The following NXPH1 variants were observed in gnomAD, a reference collection of about 807,000 sequenced individuals.
NXPH1 encodes the protein neurexophilin 1.
In NXPH1, 5 loss-of-function variants were observed where a neutral mutation model predicts 23.7. The observed-to-expected ratio is 0.21, with a 90% CI of 0.11 to 0.44. The LOEUF is 0.44. Ranked by LOEUF, NXPH1 falls within the 20% of genes least tolerant of loss-of-function variation. The probability of loss-of-function intolerance (pLI) is 0.99; values close to 1 mark genes in which losing one functional copy is unlikely to be tolerated. For missense variants in NXPH1, 324 were observed against 321.6 expected (o/e 1.01, Z -0.06); for synonymous variants, 144 against 122.2 (o/e 1.18, Z -1.18).
At chr7:8,539,545 C>G (rs1405715209) in intron 2 of NXPH1, among the ~76,000 whole-genome samples, 1 of 151,742 alleles carries the variant, frequency 6.6e-6, no homozygotes, top group East Asian at 1.9e-4. Context: ...AAATGCTTAT[C>G]AAGACTTTCA....
chr7:8,726,324 T>G (rs1353237420), intron 2 of NXPH1, among the ~76,000 whole-genome samples: 4 of 151,890 alleles, frequency 2.6e-5, no homozygotes, highest in Admixed American at 1.3e-4. Flanking sequence ...CATTTTTTTG[T>G]TTGTTTTTTT....
At chr7:8,673,238 T>C (rs1270895238) in intron 2 of NXPH1, among the ~76,000 whole-genome samples, 3 of 152,152 alleles carry the variant, frequency 2.0e-5, no homozygotes, top group Non-Finnish European at 2.9e-5. Flanking sequence ...GAGCAAAAGT[T>C]ATTTGAGTGA....
chr7:8,473,206 C>G (rs1237020829), intron 2 of NXPH1, among the ~76,000 whole-genome samples: 1 of 152,138 alleles, frequency 6.6e-6, no homozygotes, highest in Admixed American at 6.5e-5. Flanking sequence ...TGGCCATTGT[C>G]AAGTGCCTAG....
chr7:8,710,640 G>GGTTTTTTTTTTTTTTTTTTTTTTTTTT lies in NXPH1; in HGVS notation c.55-40368_55-40367insGTTTTTTTTTTTTTTTTTTTTTTTTTT, dbSNP rs1376868557. On this transcript the variant is annotated intron_variant, in intron 2 of 2. Coordinates refer to ENST00000405863, the MANE Select transcript of NXPH1 (RefSeq NM_152745.3). ...TTGAACAAAGCATGTCAACTGTTAC[G>GGTTTTTTTTTTTTTTTTTTTTTTTTTT]TTTTTTGTTTTTTTTTTTTTTTTTT... Among the ~76,000 whole-genome samples the GGTTTTTTTTTTTTTTTTTTTTTTTTTT allele has an allele frequency of 1.4e-4, 4 of 27,672 alleles. 2 individuals carry two copies. The highest frequency in any genetic ancestry group is 6.4e-4 in the African/African-American group (4 of 6,236). The allele number at this position is 27,672 out of a possible 152,430, so 18.2% of individuals were successfully genotyped here.
intron 2 of NXPH1, among the ~76,000 whole-genome samples, chr7:8,638,216 T>C (rs1298218490): frequency 6.6e-6 from 1 of 152,104 alleles, no homozygotes; most frequent in African/African-American, 2.4e-5. Flanking sequence ...ACATCTACAA[T>C]GGACTAATAA....
At chr7:8,687,546 G>C (rs930237602) in intron 2 of NXPH1, among the ~76,000 whole-genome samples, 1 of 152,016 alleles carries the variant, frequency 6.6e-6, no homozygotes, top group African/African-American at 2.4e-5. Context: ...TTATGTCTCT[G>C]GACATTTTTG....
intron 2 of NXPH1, among the ~76,000 whole-genome samples, chr7:8,529,302 G>A (rs1031806619): frequency 1.6e-4 from 24 of 152,212 alleles, no homozygotes; most frequent in African/African-American, 5.3e-4. Flanking sequence ...GTAAAGTGAC[G>A]TAGTCATAGA....
chr7:8,581,055 A>G (rs1818859293), intron 2 of NXPH1, among the ~76,000 whole-genome samples: 1 of 152,176 alleles, frequency 6.6e-6, no homozygotes, highest in Non-Finnish European at 1.5e-5. Flanking sequence ...AGTACATTAC[A>G]TTCACCTTCC....
At chr7:8,448,546 G>A (rs1443089752) in intron 2 of NXPH1, among the ~76,000 whole-genome samples, 1 of 152,208 alleles carries the variant, frequency 6.6e-6, no homozygotes. Context: ...GCTGGGTGCG[G>A]TGACTCACGC....
intron 2 of NXPH1, among the ~76,000 whole-genome samples, chr7:8,587,592 C>T (rs1325634883): frequency 6.6e-6 from 1 of 152,058 alleles, no homozygotes; most frequent in Non-Finnish European, 1.5e-5. Context: ...CCCATCAATC[C>T]GTCATCTACA....
chr7:8,556,091 G>T (rs896772894), intron 2 of NXPH1, among the ~76,000 whole-genome samples: 1 of 151,570 alleles, frequency 6.6e-6, no homozygotes, highest in African/African-American at 2.4e-5. Flanking sequence ...TCCAGGATAG[G>T]CCAGTGATTG....
At chr7:8,643,213 T>C (rs1365139021) in intron 2 of NXPH1, among the ~76,000 whole-genome samples, 1 of 152,200 alleles carries the variant, frequency 6.6e-6, no homozygotes, top group African/African-American at 2.4e-5. Flanking sequence ...CCCAGCTTTA[T>C]ATAATTAGTA....
In NXPH1 at chr7:8,474,016, A is replaced by G. The variant is rs544990931; in HGVS notation, c.54+38249A>G. 5.9e-5 allele frequency among the ~76,000 whole-genome samples: 9 copies of G among 152,290 alleles called. No individual in the cohort carries two copies. The South Asian group carries it at 1.7e-3, about 28-fold the overall frequency. On this transcript the variant is annotated intron_variant, in intron 2 of 2. Coordinates refer to ENST00000405863, the MANE Select transcript of NXPH1 (RefSeq NM_152745.3). Reference sequence around the variant, plus strand: ...CAGTGAGTGGACAGCTCATTAGCCAATCTACAAGAGCCTGCTGTGACTACT... The same window carrying G: ...CAGTGAGTGGACAGCTCATTAGCCAGTCTACAAGAGCCTGCTGTGACTACT...
chr7:8,682,335 A>G (rs1265332345), intron 2 of NXPH1, among the ~76,000 whole-genome samples: 1 of 152,238 alleles, frequency 6.6e-6, no homozygotes, highest in Non-Finnish European at 1.5e-5. Context: ...TCTTGGGACG[A>G]GATCAGGAGA....
At chr7:8,481,901 A>G (rs543712108) in intron 2 of NXPH1, among the ~76,000 whole-genome samples, 6 of 152,254 alleles carry the variant, frequency 3.9e-5, no homozygotes, top group Admixed American at 1.3e-4. Flanking sequence ...GAGTTCTTGC[A>G]TAGATCACAC....
At chr7:8,527,339 GT>G (rs1403638103) in intron 2 of NXPH1, among the ~76,000 whole-genome samples, 1 of 152,214 alleles carries the variant, frequency 6.6e-6, no homozygotes, top group Non-Finnish European at 1.5e-5. Context: ...TGGCTGGACA[GT>G]AGGCAGAAGG....
chr7:8,454,099 T>TC (rs1554422605), intron 2 of NXPH1, among the ~76,000 whole-genome samples: 1 of 151,494 alleles, frequency 6.6e-6, no homozygotes, highest in Non-Finnish European at 1.5e-5. Context: ...GAGGGTGGAG[T>TC]GGGGAGGAGA....
chr7:8,650,009 G>T (rs1043390577), intron 2 of NXPH1, among the ~76,000 whole-genome samples: 2 of 135,310 alleles, frequency 1.5e-5, no homozygotes, highest in Non-Finnish European at 3.2e-5. Flanking sequence ...AGTTTTACCT[G>T]GTGAAACCTG....
intron 2 of NXPH1, among the ~76,000 whole-genome samples, chr7:8,610,483 CCTTTGCAGAA>C (rs1421288477): frequency 3.5e-4 from 53 of 152,114 alleles, no homozygotes; most frequent in African/African-American, 1.2e-3. Flanking sequence ...CTTAAAAATT[CCTTTGCAGAA>C]CTTTATTACA....
Sources: allele counts gnomAD v4.1 joint callset (sites outside exome capture counted in the v4.1 genomes callset), GRCh38; gene constraint gnomAD v4.1.1; transcripts MANE v1.5; gene names NCBI Gene and HGNC (gene_info 2026-07-23, HGNC 2026-07-21).